Variants in PLEKHH3 observed in about 807,000 individuals in gnomAD.
PLEKHH3 encodes the protein pleckstrin homology domain-containing family H member 3.
PLEKHH3 carries 57 observed loss-of-function variants against 77.8 expected under a neutral mutation model. The ratio of observed to expected loss-of-function variants is 0.73; its 90% CI spans 0.59 to 0.91. The LOEUF is 0.91. Ranked by LOEUF, PLEKHH3 falls within the 40% of genes least tolerant of loss-of-function variation. PLEKHH3 has a pLI of 0.00. For missense variants in PLEKHH3, 1,082 were observed against 1,091.2 expected, an observed-to-expected ratio of 0.99 and a Z score of 0.12; for synonymous variants, 467 against 504.8, an observed-to-expected ratio of 0.93 and a Z score of 1.00.
intron 11 of PLEKHH3, 85 bp downstream of exon 11, chr17:42,669,833 C>A (rs762614158): frequency 1.7e-5 from 26 of 1,566,460 alleles, no homozygotes; most frequent in Non-Finnish European, 1.6e-5. Flanking sequence ...TGGGGAATTA[C>A]GTGACACTCC....
chr17:42,674,253 G>C, intron 2 of PLEKHH3, 101 bp downstream of exon 2: 3 of 1,365,976 alleles, frequency 2.2e-6, no homozygotes, highest in Middle Eastern at 3.8e-4. Flanking sequence ...CCGGCATAGG[G>C]CCTCTCCCTT....
rs1170590177 is a variant in PLEKHH3 at position 42,670,103 on chromosome 17, C to T, written c.1828G>A (p.Gly610Ser). 45 of 1,327,516 alleles carry T rather than the reference C, an allele frequency of 3.4e-5. No homozygotes were observed. Among genetic ancestry groups the T allele is most frequent in the Non-Finnish European group, 4.2e-5 (44 of 1,047,376 alleles). 82.2% of individuals were successfully genotyped at this position (1,327,516 alleles called of 1,614,324 possible). ...CGGGCAATGCTTCCCGCAGTGCGGCCGGCCCCGCCGCGCCGGGCCCGCTCC... is the reference window on the plus strand; with the variant it reads ...CGGGCAATGCTTCCCGCAGTGCGGCTGGCCCCGCCGCGCCGGGCCCGCTCC... ...RAERARRGGA[G>S]RTAGSIAREG... The change falls in exon 11 of 13, where the codon GGC becomes AGC. Residue 610 changes from glycine (G) to serine (S), a missense_variant. By Grantham distance (56) the Gly-to-Ser change is moderately conservative. Coordinates refer to ENST00000591022, the MANE Select transcript of PLEKHH3 (RefSeq NM_024927.5).
At chr17:42,668,401 G>A in intron 12 of PLEKHH3, 98 bp from the exon 13 acceptor site, 1 of 1,094,152 alleles carries the variant, frequency 9.1e-7, no homozygotes, top group Non-Finnish European at 1.2e-6. Flanking sequence ...TTCCCCACCA[G>A]GGTCCTACGT....
Position 42,676,174 on chromosome 17 carries a change from C to T in PLEKHH3, c.162+228G>A. On this transcript the variant is annotated intron_variant, in intron 1 of 12. Transcript: ENST00000591022. This position sits in a 1 kb window ranked among gnomAD's most constrained non-coding sequence, Gnocchi z 6.6. ...CGTGACGCCTCCCCTGCCTCAGGGC[C>T]CCCAGCAGGTGGATAGCGCCCAGCC... The T allele has an allele frequency of 1.4e-6, 2 of 1,383,870 alleles. No individual in the cohort carries two copies. The highest frequency in any genetic ancestry group is 6.1e-5 in the Admixed American group (2 of 32,664). The allele number at this position is 1,383,870 out of a possible 1,614,324, so 85.7% of individuals were successfully genotyped here. A position where few individuals can be genotyped will look rare whatever the true frequency, so the allele number is the denominator to read the frequency against.
At position 42,676,259 on chromosome 17, in the gene PLEKHH3, G is replaced by A. The variant is rs557538569; in HGVS notation, c.162+143C>T. 3.1e-5 allele frequency: 45 copies of A among 1,437,250 alleles called. No homozygotes were observed. In the East Asian group the frequency reaches 9.5e-4, roughly 30 times the overall value. The allele number at this position is 1,437,250 out of a possible 1,614,324, so 89.0% of individuals were successfully genotyped here. On this transcript the variant is annotated intron_variant, in intron 1 of 12. Coordinates refer to ENST00000591022, the MANE Select transcript of PLEKHH3 (RefSeq NM_024927.5). The surrounding 1 kb of genome is among the most constrained non-coding windows in gnomAD (Gnocchi z 6.6). ...GGCTGCTGCTCCGAGAGCTCCCGGG[G>A]GCTTTGGCCCCCAGGCAAAAAACTC...
At position 42,672,458 on chromosome 17, in the gene PLEKHH3, G is replaced by A; in HGVS notation, c.770-66C>T. The A allele has an allele frequency of 7.2e-6, 10 of 1,386,968 alleles. No homozygotes were observed. In the South Asian group the frequency reaches 1.3e-4, roughly 18 times the overall value. The allele number at this position is 1,386,968 out of a possible 1,614,324, so 85.9% of individuals were successfully genotyped here. A position where few individuals can be genotyped will look rare whatever the true frequency, so the allele number is the denominator to read the frequency against. On this transcript the variant is annotated intron_variant, in intron 6 of 12. Coordinates refer to ENST00000591022, the MANE Select transcript of PLEKHH3 (RefSeq NM_024927.5). ...ACACAGAGCTGCGCCCTGGGAGGAA[G>A]GCATGAACCAGGGGAAGGTCAGAGG...
In PLEKHH3 at chr17:42,671,652, G is replaced by T; in HGVS notation, c.1077-94C>A. 1 of 1,311,758 alleles carries T rather than the reference G, an allele frequency of 7.6e-7. No homozygotes were observed. Among genetic ancestry groups the T allele is most frequent in the Non-Finnish European group, 1.0e-6 (1 of 962,038 alleles). The allele number at this position is 1,311,758 out of a possible 1,614,324, so 81.3% of individuals were successfully genotyped here. A position where few individuals can be genotyped will look rare whatever the true frequency, so the allele number is the denominator to read the frequency against. On this transcript the variant is annotated intron_variant, in intron 7 of 12. Transcript: ENST00000591022. The surrounding 1 kb of genome is among the most constrained non-coding windows in gnomAD (Gnocchi z 4.7). ...CTCTTATAGTTTATTTTATCTAGCC[G>T]ATTTCCTCCCCGCCCCAACTCAAGT...
intron 1 of PLEKHH3, chr17:42,674,918 G>A (rs189291399): frequency 1.3e-5 from 2 of 155,208 alleles, no homozygotes; most frequent in Non-Finnish European, 2.9e-5. Context: ...GGTGAATGAA[G>A]GGCAGAGGGA....
At position 42,673,755 on chromosome 17, in the gene PLEKHH3, C is replaced by T. The variant is rs1323569668; in HGVS notation, c.378G>A (p.Arg126=). The T allele has an allele frequency of 6.3e-7, 1 of 1,598,806 alleles. No homozygotes were observed. Among genetic ancestry groups the T allele is most frequent in the South Asian group, 1.1e-5 (1 of 90,854 alleles). The change falls in exon 4 of 13, where the codon CGG becomes CGA. Residue 126 remains arginine, a synonymous_variant. Coordinates refer to ENST00000591022, the MANE Select transcript of PLEKHH3 (RefSeq NM_024927.5). ...PPRRAWFVLT[R]DSLDQFSSSG... is the part of the protein sequence containing the mutation. ...TGCTGCTGAACTGATCCAGGGAGTC[C>T]CGCGTGAGCACAAACCAGGCTCGGC...
At chr17:42,670,480 G>A in intron 10 of PLEKHH3, 93 bp downstream of exon 10, 8 of 1,521,546 alleles carry the variant, frequency 5.3e-6, no homozygotes, top group Non-Finnish European at 7.1e-6. Flanking sequence ...AGCCTCCCGC[G>A]GGGCTGCCAT....
At position 42,673,978 on chromosome 17, in the gene PLEKHH3, G is replaced by A. The variant is rs1268323745; in HGVS notation, c.254C>T (p.Pro85Leu). The change falls in exon 3 of 13, where the codon CCG (proline) becomes CTG (leucine). Residue 85 changes from proline to leucine, a missense_variant. Coordinates refer to ENST00000591022, the MANE Select transcript of PLEKHH3 (RefSeq NM_024927.5). ...GTCGTCCTCCGGCAGCCCTTTCTCCGGGATGAGGCTCCAAGTCTCCTCCCA... is the reference window on the plus strand; with the variant it reads ...GTCGTCCTCCGGCAGCCCTTTCTCCAGGATGAGGCTCCAAGTCTCCTCCCA... ...QSWEETWSLI[P>L]EKGLPEDDPD... 1.9e-6 allele frequency: 3 copies of A among 1,613,456 alleles called. No individual in the cohort carries two copies. Among genetic ancestry groups the A allele is most frequent in the East Asian group, 4.5e-5 (2 of 44,868 alleles).
Position 42,671,108 on chromosome 17 carries a change from C to T in PLEKHH3, c.1307G>A (p.Arg436Gln), listed in dbSNP as rs1401725219. 6 of 1,592,954 alleles carry T rather than the reference C, an allele frequency of 3.8e-6. No homozygotes were observed. The highest frequency in any genetic ancestry group is 5.1e-6 in the Non-Finnish European group (6 of 1,168,484). ...AGEVARELVG[R>Q]LGLARSRNAF... is the part of the protein sequence containing the mutation. ...GTTGCGGCTCCGGGCCAAGCCCAGC[C>T]GCCCCACCAGCTCTCGAGCCACCTA... is the stretch of plus-strand genomic sequence containing the variant. The change falls in exon 9 of 13, where the codon CGG (arginine) becomes CAG (glutamine). Residue 436 changes from arginine to glutamine, a missense_variant. This residue lies in a region of PLEKHH3 where 733 missense variants were observed against 750.0 expected (regional missense o/e 0.98). Transcript: ENST00000591022. This position sits in a 1 kb window ranked among gnomAD's most constrained non-coding sequence, Gnocchi z 4.7.
chr17:42,674,366 G>T lies in PLEKHH3; in HGVS notation c.206C>A (p.Pro69His), dbSNP rs758169393. The T allele has an allele frequency of 2.5e-6, 4 of 1,590,846 alleles. No homozygotes were observed. The South Asian group carries it at 4.6e-5, about 18-fold the overall frequency. The change falls in exon 2 of 13, where the codon CCT becomes CAT. Residue 69 changes from proline (P) to histidine (H), a missense_variant. Transcript: ENST00000591022. ...GGGCGTAGCTCACCTGTTGGAGACAGGCCCGCTCCTCACTGGCTGAGTCAG... is the reference window on the plus strand; with the variant it reads ...GGGCGTAGCTCACCTGTTGGAGACATGCCCGCTCCTCACTGGCTGAGTCAG... The part of the protein sequence containing the change: ...VTLTQPVRSG[P>H]VSNRLQSWEE...
Position 42,673,479 on chromosome 17 carries a change from A to G in PLEKHH3, c.568T>C (p.Trp190Arg). 1 of 1,611,686 alleles carries G rather than the reference A, an allele frequency of 6.2e-7. No individual in the cohort carries two copies. Among genetic ancestry groups the G allele is most frequent in the Non-Finnish European group, 8.5e-7 (1 of 1,179,284 alleles). ...ATCACTTCCCGCAATGCCACCCCCC[A>G]GCGCTCAGCCTCTGCCTGGCGTGGG... ...CSPRQAEAER[W>R]GVALREVIAS... Residue 190 changes from tryptophan (W) to arginine (R), a missense_variant, in exon 5 of 13, where the codon TGG becomes CGG. Trp to Arg is a moderately radical substitution (Grantham distance 101). This residue lies in a region of PLEKHH3 where 344 missense variants were observed against 320.8 expected (regional missense o/e 1.07). Coordinates refer to ENST00000591022, the MANE Select transcript of PLEKHH3 (RefSeq NM_024927.5).
At chr17:42,675,746 G>T (rs2052809626) in intron 1 of PLEKHH3, among the ~76,000 whole-genome samples, 4 of 152,188 alleles carry the variant, frequency 2.6e-5, no homozygotes, top group South Asian at 2.1e-4. Context: ...TCGTGCCTCC[G>T]TTTCCCCACG....
chr17:42,671,144 G>T lies in PLEKHH3; in HGVS notation c.1285-14C>A. ...CTCTCGAGCCACCTAGAAGAGGAGG[G>T]TGAGGGGAGACCACTCAGAGGTCTT... On this transcript the variant is annotated splice_polypyrimidine_tract_variant and intron_variant, in intron 8 of 12. Coordinates refer to ENST00000591022, the MANE Select transcript of PLEKHH3 (RefSeq NM_024927.5). The surrounding 1 kb of genome is among the most constrained non-coding windows in gnomAD (Gnocchi z 4.7). The T allele has an allele frequency of 2.6e-6, 4 of 1,563,096 alleles. No individual in the cohort carries two copies. The South Asian group carries it at 4.7e-5, about 18-fold the overall frequency.
chr17:42,674,895 T>G (rs917858699), intron 1 of PLEKHH3: 1 of 157,588 alleles, frequency 6.3e-6, no homozygotes, highest in Non-Finnish European at 1.4e-5. Context: ...GCAGGACAGG[T>G]GGTAGGCACA....
Position 42,676,293 on chromosome 17 carries a change from C to G in PLEKHH3, c.162+109G>C, listed in dbSNP as rs2052825488. 6.5e-7 allele frequency: 1 copy of G among 1,538,822 alleles called. No individual in the cohort carries two copies. Among genetic ancestry groups the G allele is most frequent in the African/African-American group, 1.4e-5 (1 of 72,952 alleles). ...CCCCAGGCAAAAAACTCTCCCTCAT[C>G]CCTAGTTCGCCAAGCGCGCAGCGTG... is the stretch of plus-strand genomic sequence containing the variant. On this transcript the variant is annotated intron_variant, in intron 1 of 12. Transcript: ENST00000591022. This position sits in a 1 kb window ranked among gnomAD's most constrained non-coding sequence, Gnocchi z 6.6.
At position 42,669,909 on chromosome 17, in the gene PLEKHH3, C is replaced by A. The variant is rs188984018; in HGVS notation, c.2013+9G>T. 6.2e-7 allele frequency: 1 copy of A among 1,613,354 alleles called. No individual in the cohort carries two copies. The highest frequency in any genetic ancestry group is 8.5e-7 in the Non-Finnish European group (1 of 1,179,832). ...CCGCCAGAGTCCCCTTCTCCCTTCT[C>A]CCCCTCACCGTGCTCAGCTCCAGAA... On this transcript the variant is annotated intron_variant, in intron 11 of 12. Coordinates refer to ENST00000591022, the MANE Select transcript of PLEKHH3 (RefSeq NM_024927.5).
Sources: gnomAD v4.1 joint callset for allele counts (sites outside exome capture counted in the v4.1 genomes callset) on GRCh38, gnomAD v4.1.1 for gene constraint, gnomAD v4.1.1 regional missense constraint, Gnocchi (gnomAD v3.1) non-coding constraint, MANE v1.5 for transcripts, NCBI Gene and HGNC (gene_info 2026-07-23, HGNC 2026-07-21) for gene names.